The following FNBP1L variants were observed in gnomAD, a reference collection of about 807,000 sequenced individuals.
FNBP1L encodes formin binding protein 1 like, also known as formin-binding protein 1-like.
In FNBP1L, 36 loss-of-function variants were observed where a neutral mutation model predicts 91.2. The observed-to-expected ratio is 0.39, with a 90% confidence interval of 0.30 to 0.52. The LOEUF (loss-of-function observed/expected upper bound fraction) is 0.52. FNBP1L is among the 20% of genes least tolerant of loss of function. FNBP1L has a pLI of 0.66. For synonymous variants in FNBP1L, 242 were observed against 237.0 expected (o/e 1.02, Z -0.19); for missense variants, 571 against 732.1 (o/e 0.78, Z 2.54).
At chr1:93,472,138 A>G (rs1438584343) in intron 1 of FNBP1L, among the ~76,000 whole-genome samples, 1 of 152,170 alleles carries the variant, frequency 6.6e-6, no homozygotes, top group Non-Finnish European at 1.5e-5. Flanking sequence ...TTTTTTGAAA[A>G]CACTCCAAAT....
At chr1:93,466,768 A>T (rs548211767) in intron 1 of FNBP1L, among the ~76,000 whole-genome samples, 19 of 152,266 alleles carry the variant, frequency 1.2e-4, no homozygotes, top group Middle Eastern at 3.4e-3. Context: ...TGGGGATGGC[A>T]TTGAATCTAT....
intron 1 of FNBP1L, among the ~76,000 whole-genome samples, chr1:93,452,844 C>G (rs529167924): frequency 9.4e-4 from 143 of 152,292 alleles, no homozygotes; most frequent in Non-Finnish European, 1.5e-3. Context: ...TGTAGGAATT[C>G]AGTTTTGTTT....
chr1:93,534,227 TAGAA>T (rs967570749), intron 8 of FNBP1L, among the ~76,000 whole-genome samples: 2 of 152,172 alleles, frequency 1.3e-5, no homozygotes, highest in African/African-American at 4.8e-5. Context: ...TTGGATGAGT[TAGAA>T]AGCCTTTCCT....
chr1:93,546,815 A>G, intron 12 of FNBP1L, 27 bp from the exon 13 acceptor site: 1 of 1,608,408 alleles, frequency 6.2e-7, no homozygotes, highest in Non-Finnish European at 8.5e-7. Context: ...GTTAATATTT[A>G]ATTCTGGGGT....
At chr1:93,502,222 C>G (rs1391281509) in intron 2 of FNBP1L, among the ~76,000 whole-genome samples, 3 of 152,034 alleles carry the variant, frequency 2.0e-5, no homozygotes, top group African/African-American at 7.2e-5. Flanking sequence ...ACAATGATTA[C>G]CGTTGTGGAA....
chr1:93,508,569 G>T (rs1670711542), intron 2 of FNBP1L, among the ~76,000 whole-genome samples: 1 of 152,066 alleles, frequency 6.6e-6, no homozygotes, highest in Non-Finnish European at 1.5e-5. Flanking sequence ...CATACAGGGA[G>T]GCAAGAGGAA....
chr1:93,448,375 G>T, intron 1 of FNBP1L, 70 bp downstream of exon 1: 2 of 1,442,202 alleles, frequency 1.4e-6, no homozygotes, highest in Non-Finnish European at 9.1e-7. Flanking sequence ...CGGGCGCCGC[G>T]GACCCTCGGC....
chr1:93,514,437 C>T (rs1670991773), intron 2 of FNBP1L, among the ~76,000 whole-genome samples: 1 of 151,164 alleles, frequency 6.6e-6, no homozygotes, highest in South Asian at 2.1e-4. Flanking sequence ...CATATGGAAC[C>T]AAAAAAGAGC....
Position 93,552,661 on chromosome 1 carries a change from T to G in FNBP1L, c.*245T>G. 2.5e-6 allele frequency: 1 copy of G among 406,612 alleles called. No individual in the cohort carries two copies. The highest frequency in any genetic ancestry group is 5.4e-4 in the Middle Eastern group (1 of 1,840). The allele number at this position is 406,612 out of a possible 1,614,324, so 25.2% of individuals were successfully genotyped here. A position where few individuals can be genotyped will look rare whatever the true frequency, so the allele number is the denominator to read the frequency against. The stretch of plus-strand genomic sequence containing the variant: ...CCACAAAAGAAAAAGCCAACAATAG[T>G]GTACCATTTTTCTATTTATTTTATT... On this transcript the variant is annotated 3_prime_UTR_variant, in exon 17 of 17. Coordinates refer to ENST00000271234, the MANE Select transcript of FNBP1L (RefSeq NM_001164473.3).
chr1:93,505,612 G>T (rs1466650511), intron 2 of FNBP1L, among the ~76,000 whole-genome samples: 1 of 152,334 alleles, frequency 6.6e-6, no homozygotes, highest in South Asian at 2.1e-4. Context: ...AATTGTGGGA[G>T]CTAAGAGCAT....
intron 2 of FNBP1L, among the ~76,000 whole-genome samples, chr1:93,505,236 G>A (rs902669998): frequency 2.7e-5 from 4 of 150,926 alleles, no homozygotes; most frequent in Admixed American, 2.0e-4. Context: ...TTTGTTCCTC[G>A]GAGCCGTAAA....
chr1:93,537,908 A>T (rs1235460433), intron 10 of FNBP1L, among the ~76,000 whole-genome samples: 1 of 152,054 alleles, frequency 6.6e-6, no homozygotes, highest in Non-Finnish European at 1.5e-5. Context: ...GCCCAGGCTG[A>T]TCTCAAACTC....
rs568050492 is a variant in FNBP1L, at chr1:93,461,451, A to G, written c.24+13146A>G. 3.3e-5 allele frequency among the ~76,000 whole-genome samples: 5 copies of G among 152,338 alleles called. No homozygotes were observed. In the South Asian group the frequency reaches 6.2e-4, roughly 19 times the overall value. ...TCACTGGCGTGGGTTCACGAGATCA[A>G]CACTCTCAGAGTCAGCATATGTGCA... On this transcript the variant is annotated intron_variant, in intron 1 of 16. Transcript: ENST00000271234.
chr1:93,474,189 G>A (rs1669408963), intron 1 of FNBP1L, among the ~76,000 whole-genome samples: 1 of 152,204 alleles, frequency 6.6e-6, no homozygotes, highest in Non-Finnish European at 1.5e-5. Context: ...GTTGCAGTGA[G>A]CTGAGATCAC....
At chr1:93,534,955 A>C in intron 9 of FNBP1L, 47 bp downstream of exon 9, 1 of 1,464,154 alleles carries the variant, frequency 6.8e-7, no homozygotes, top group Non-Finnish European at 9.3e-7. Context: ...AAGTGTACCA[A>C]CTAAAACAAT....
chr1:93,524,468 A>G (rs1671432833), intron 5 of FNBP1L, 145 bp downstream of exon 5: 3 of 560,498 alleles, frequency 5.4e-6, no homozygotes, highest in South Asian at 1.3e-4. Flanking sequence ...ATAATAGTCA[A>G]TAAAGTGTAA....
At chr1:93,499,409 A>C in intron 1 of FNBP1L, 59 bp from the exon 2 acceptor site, 1 of 1,111,362 alleles carries the variant, frequency 9.0e-7, no homozygotes, top group Non-Finnish European at 1.3e-6. Context: ...AAGCTGTTAA[A>C]AATATCTGTG....
intron 6 of FNBP1L, among the ~76,000 whole-genome samples, 157 bp downstream of exon 6, chr1:93,529,913 G>T (rs2493642): frequency 0.036 from 5,411 of 152,078 alleles, 300 homozygotes; most frequent in African/African-American, 0.12. Context: ...TAAATTATAC[G>T]TATTGGTCTG....
chr1:93,532,117 A>T (rs1009556383), intron 7 of FNBP1L, among the ~76,000 whole-genome samples: 1 of 152,124 alleles, frequency 6.6e-6, no homozygotes, highest in Non-Finnish European at 1.5e-5. Context: ...AACAACTAGT[A>T]TGGACTGTTG....
Sources: gnomAD v4.1 joint callset for allele counts (sites outside exome capture counted in the v4.1 genomes callset) on GRCh38, gnomAD v4.1.1 for gene constraint, MANE v1.5 for transcripts, NCBI Gene and HGNC (gene_info 2026-07-23, HGNC 2026-07-21) for gene names.